The following CRTC1 variants were observed in gnomAD, a reference collection of about 807,000 sequenced individuals.
The protein encoded by CRTC1 is CREB-regulated transcription coactivator 1.
Under a neutral mutation model 66.1 loss-of-function variants are expected in CRTC1, and 18 were observed. That is an observed-to-expected ratio of 0.27 (90% confidence interval 0.19 to 0.40). The LOEUF (loss-of-function observed/expected upper bound fraction) is 0.40, where lower values mean the gene tolerates loss of function less well. CRTC1 is among the 10% of genes least tolerant of loss of function. The probability of loss-of-function intolerance (pLI) is 1.00; values close to 1 mark genes in which losing one functional copy is unlikely to be tolerated. For synonymous variants in CRTC1, 416 were observed against 398.8 expected (o/e 1.04, Z -0.51); for missense variants, 669 against 887.9 (o/e 0.75, Z 3.13).
intron 2 of CRTC1, among the ~76,000 whole-genome samples, chr19:18,743,386 C>T (rs528402904): frequency 4.4e-4 from 67 of 152,368 alleles, no homozygotes; most frequent in African/African-American, 1.5e-3. Flanking sequence ...GAAGGAGGCC[C>T]GGCGGCCTGA....
rs141821996 is a variant in CRTC1, at chr19:18,758,763, A to T, written c.625-788A>T. ...AAGCTTCCTGGGTCTCCCCTGACTC[A>T]GTTCTTCCCTCCTTTGGGCCTTGGG... On this transcript the variant is annotated intron_variant, in intron 6 of 13. Transcript: ENST00000321949. Among the ~76,000 whole-genome samples, 608 of 152,296 alleles carry T rather than the reference A, an allele frequency of 4.0e-3. 8 individuals carry two copies. The highest frequency in any genetic ancestry group is 0.014 in the African/African-American group (596 of 41,572).
At chr19:18,692,669 G>A (rs934889800) in intron 1 of CRTC1, among the ~76,000 whole-genome samples, 1 of 152,168 alleles carries the variant, frequency 6.6e-6, no homozygotes, top group Non-Finnish European at 1.5e-5. Context: ...GGGAATCTGG[G>A]AGGGCTTCCT....
Position 18,778,018 on chromosome 19 carries a change from G to A in CRTC1, c.*636G>A, listed in dbSNP as rs2055032690. ...CACCGGGGCAGGCGCAAAGTGGACA[G>A]AGCATGCAGGGCGGCGGACCCCCCC... On this transcript the variant is annotated 3_prime_UTR_variant, in exon 14 of 14. Transcript: ENST00000321949. The A allele has an allele frequency of 1.3e-5, 3 of 236,210 alleles. No homozygotes were observed. In the South Asian group the frequency reaches 5.2e-4, roughly 41 times the overall value. 14.6% of individuals were successfully genotyped at this position (236,210 alleles called of 1,614,324 possible).
At chr19:18,720,641 C>T (rs2053605860) in intron 1 of CRTC1, among the ~76,000 whole-genome samples, 1 of 149,438 alleles carries the variant, frequency 6.7e-6, no homozygotes, top group Non-Finnish European at 1.5e-5. Flanking sequence ...GCTGGGATAA[C>T]AGGCGTGAGC....
chr19:18,761,138 C>CCCCTG lies in CRTC1; in HGVS notation c.886+926_886+930dup, dbSNP rs200083166. ...CAGGAGGCTGCAGGCCTCCCTCCCT[C>CCCCTG]CCCTGCCCTGCCCTGCCCTGGTCAG... On this transcript the variant is annotated intron_variant, in intron 8 of 13. Transcript: ENST00000321949. Among the ~76,000 whole-genome samples the CCCCTG allele has an allele frequency of 3.2e-3, 485 of 152,348 alleles. 2 individuals are homozygous for CCCCTG. Among genetic ancestry groups the CCCCTG allele is most frequent in the African/African-American group, 0.011 (450 of 41,574 alleles).
In CRTC1 at chr19:18,736,604, G is replaced by A. The variant is rs1396202740; in HGVS notation, c.127-6306G>A. ...GAGCCTTCTGGTACAGGCAGCACCCGTGCAAAGGCCCGGAGGTAGCGACTG... is the reference window on the plus strand; with the variant it reads ...GAGCCTTCTGGTACAGGCAGCACCCATGCAAAGGCCCGGAGGTAGCGACTG... On this transcript the variant is annotated intron_variant, in intron 1 of 13. Transcript: ENST00000321949. Among the ~76,000 whole-genome samples the A allele has an allele frequency of 7.2e-5, 11 of 152,134 alleles. No individual in the cohort carries two copies. The South Asian group carries it at 1.9e-3, about 26-fold the overall frequency.
chr19:18,735,378 G>C (rs1453735133), intron 1 of CRTC1, among the ~76,000 whole-genome samples: 1 of 152,194 alleles, frequency 6.6e-6, no homozygotes, highest in African/African-American at 2.4e-5. Context: ...CCTTTGTTCT[G>C]CTTGATCCAG....
At chr19:18,765,822 A>G (rs1269285662) in intron 9 of CRTC1, among the ~76,000 whole-genome samples, 6 of 152,010 alleles carry the variant, frequency 3.9e-5, no homozygotes, top group Non-Finnish European at 8.8e-5. Context: ...TTAGCTGGGC[A>G]TGGTGGTGTG....
intron 4 of CRTC1, among the ~76,000 whole-genome samples, chr19:18,748,254 T>C (rs1403366069): frequency 6.6e-6 from 1 of 151,914 alleles, no homozygotes; most frequent in East Asian, 1.9e-4. Context: ...TGTGTGTATA[T>C]AATTTTTTTT....
intron 2 of CRTC1, chr19:18,744,254 G>T: frequency 2.5e-6 from 3 of 1,203,992 alleles, no homozygotes; most frequent in Non-Finnish European, 3.5e-6. Flanking sequence ...CTCCCCAAGC[G>T]GCCGCCCCTG....
chr19:18,747,422 A>T (rs2054271551), intron 4 of CRTC1, among the ~76,000 whole-genome samples: 1 of 152,116 alleles, frequency 6.6e-6, no homozygotes, highest in Non-Finnish European at 1.5e-5. Flanking sequence ...GGATCACTTG[A>T]GGTCAGGAGT....
chr19:18,715,962 G>A (rs542404397), intron 1 of CRTC1, among the ~76,000 whole-genome samples: 2 of 152,334 alleles, frequency 1.3e-5, no homozygotes, highest in East Asian at 3.9e-4. Context: ...CGAAGCCTGG[G>A]ACAGGTGTAC....
intron 1 of CRTC1, among the ~76,000 whole-genome samples, chr19:18,695,806 G>C (rs999450465): frequency 6.6e-6 from 1 of 152,094 alleles, no homozygotes; most frequent in Non-Finnish European, 1.5e-5. Context: ...CAGAGCTTGC[G>C]GTGAGCCGAG....
rs1043955774 is a variant in CRTC1 at position 18,760,275 on chromosome 19, G to T, written c.886+47G>T. ...CTCGGACAGAGCACTGGCTTGTGGAGACAACACGGGCATCTGCAGGATGAC... is the reference window on the plus strand; with the variant it reads ...CTCGGACAGAGCACTGGCTTGTGGATACAACACGGGCATCTGCAGGATGAC... On this transcript the variant is annotated intron_variant, in intron 8 of 13. Coordinates refer to ENST00000321949, the MANE Select transcript of CRTC1 (RefSeq NM_015321.3). The surrounding 1 kb of genome is among the most constrained non-coding windows in gnomAD (Gnocchi z 6.2). 2.1e-6 allele frequency: 3 copies of T among 1,415,152 alleles called. No homozygotes were observed. The highest frequency in any genetic ancestry group is 5.0e-5 in the East Asian group (2 of 40,168). The allele number at this position is 1,415,152 out of a possible 1,614,324, so 87.7% of individuals were successfully genotyped here. A position where few individuals can be genotyped will look rare whatever the true frequency, so the allele number is the denominator to read the frequency against.
intron 11 of CRTC1, among the ~76,000 whole-genome samples, chr19:18,772,973 G>A (rs2240013): frequency 0.51 from 76,750 of 151,904 alleles, 20,190 homozygotes; most frequent in African/African-American, 0.64. Flanking sequence ...GAGACAGGAC[G>A]GGACAGGAAT....
chr19:18,749,708 C>T (rs1468419066), intron 4 of CRTC1, 73 bp from the exon 5 acceptor site: 6 of 1,278,082 alleles, frequency 4.7e-6, no homozygotes, highest in Non-Finnish European at 6.9e-6. Context: ...CCAGCGTGTC[C>T]CAGCTGGGAT....
chr19:18,759,989 G>A lies in CRTC1; in HGVS notation c.666-19G>A, dbSNP rs1312898196. On this transcript the variant is annotated intron_variant, in intron 7 of 13. Transcript: ENST00000321949. The stretch of plus-strand genomic sequence containing the variant: ...CGCCCCATGAGCTCACCTCCTGCCT[G>A]CCTCTGGCCTTTTCCCAGCATCTTC... The A allele has an allele frequency of 1.3e-5, 17 of 1,281,234 alleles. No homozygotes were observed. Among genetic ancestry groups the A allele is most frequent in the Non-Finnish European group, 1.8e-5 (17 of 960,306 alleles). 79.4% of individuals were successfully genotyped at this position (1,281,234 alleles called of 1,614,324 possible).
chr19:18,713,028 G>A (rs1037866144), intron 1 of CRTC1, among the ~76,000 whole-genome samples: 6 of 146,956 alleles, frequency 4.1e-5, no homozygotes, highest in Non-Finnish European at 8.9e-5. Flanking sequence ...CCCAGCCCCT[G>A]GCAGCCAGCA....
chr19:18,775,855 C>T (rs751594823), intron 13 of CRTC1, 34 bp downstream of exon 13: 2 of 1,530,712 alleles, frequency 1.3e-6, no homozygotes, highest in African/African-American at 2.8e-5. Flanking sequence ...GTGCGGCGCC[C>T]CAAGGGGCCT....
Sources: gnomAD v4.1 joint callset for allele counts (sites outside exome capture counted in the v4.1 genomes callset) on GRCh38, gnomAD v4.1.1 for gene constraint, Gnocchi (gnomAD v3.1) non-coding constraint, MANE v1.5 for transcripts, NCBI Gene and HGNC (gene_info 2026-07-23, HGNC 2026-07-21) for gene names.